Variants in TNK2 observed in about 807,000 individuals in gnomAD.
TNK2 encodes the protein activated CDC42 kinase 1.
In TNK2, 83 loss-of-function variants were observed where a neutral mutation model predicts 101.8. The observed-to-expected ratio is 0.82, with a 90% CI of 0.68 to 0.98. The LOEUF is 0.98. Among genes scored for constraint, TNK2 ranks in the 50% least tolerant of loss-of-function variants. TNK2 has a pLI of 0.00. For missense variants in TNK2, 1,665 were observed against 1,483.2 expected (o/e 1.12, Z -2.01); for synonymous variants, 804 against 633.0 (o/e 1.27, Z -4.06).
At chr3:195,874,545 A>G (rs1236437753) in intron 9 of TNK2, among the ~76,000 whole-genome samples, 3 of 138,654 alleles carry the variant, frequency 2.2e-5, no homozygotes, top group Non-Finnish European at 4.6e-5. Flanking sequence ...CCCCCTCGGG[A>G]TGGCGCCCAC....
chr3:195,870,687 C>G (rs1744505781), intron 10 of TNK2, among the ~76,000 whole-genome samples: 1 of 152,260 alleles, frequency 6.6e-6, no homozygotes, highest in Non-Finnish European at 1.5e-5. Context: ...CGTCCCTGCA[C>G]CAACTGTCAG....
In TNK2 at chr3:195,869,533, G is replaced by C; in HGVS notation, c.1552C>G (p.Pro518Ala). 6.4e-7 allele frequency: 1 copy of C among 1,551,166 alleles called. No homozygotes were observed. Among genetic ancestry groups the C allele is most frequent in the Non-Finnish European group, 8.7e-7 (1 of 1,146,984 alleles). ...AAGGCAGGCTGAGGTGGGCGAGGTGGAGGCTCCCCTGCAAGAAAGGCCATG... is the reference window on the plus strand; with the variant it reads ...AAGGCAGGCTGAGGTGGGCGAGGTGCAGGCTCCCCTGCAAGAAAGGCCATG... ...QHLGGVKREPPPRPPQPAFFT... is the reference protein window; with the variant it reads ...QHLGGVKREPAPRPPQPAFFT... Residue 518 changes from proline (P) to alanine (A), a missense_variant, in exon 12 of 16, where the codon CCA becomes GCA. Pro to Ala is a conservative substitution (Grantham distance 27, BLOSUM62 -1). Coordinates refer to ENST00000672887, the MANE Select transcript of TNK2 (RefSeq NM_001382273.1).
chr3:195,867,437 G>C lies in TNK2; in HGVS notation c.2861C>G (p.Ala954Gly). ...NPGARPPPPR[A>G]TARLPQRGCP... ...GCCCCTCTGTGGCAGCCGAGCAGTG[G>C]CCCTCGGGGGTGGTGGCCGGGCCCC... The change falls in exon 13 of 16, where the codon GCC becomes GGC. Residue 954 changes from alanine to glycine, a missense_variant. Ala to Gly is a moderately conservative substitution (Grantham distance 60, BLOSUM62 0). This residue lies in a region of TNK2 where 1,136 missense variants were observed against 894.9 expected (regional missense o/e 1.27). Coordinates refer to ENST00000672887, the MANE Select transcript of TNK2 (RefSeq NM_001382273.1). 6.3e-7 allele frequency: 1 copy of C among 1,596,996 alleles called. No homozygotes were observed. The highest frequency in any genetic ancestry group is 8.5e-7 in the Non-Finnish European group (1 of 1,176,950).
At chr3:195,889,049 G>T (rs1757314647) in intron 1 of TNK2, among the ~76,000 whole-genome samples, 2 of 152,060 alleles carry the variant, frequency 1.3e-5, no homozygotes, top group South Asian at 4.2e-4. Context: ...CCATCTATGG[G>T]CTCCTTAGAT....
rs368310653 is a variant in TNK2, at chr3:195,887,050, G to A, written c.164-3C>T. ...AGCCTCCCACAGCCGCCGCTGGCCT[G>A]CAGGGAGAGCGGGGAACCGCGTGCT... On this transcript the variant is annotated splice_region_variant and splice_polypyrimidine_tract_variant and intron_variant, in intron 2 of 15. Transcript: ENST00000672887. The A allele has an allele frequency of 7.4e-6, 12 of 1,613,966 alleles. No homozygotes were observed. The African/African-American group carries it at 1.5e-4, about 20-fold the overall frequency.
Position 195,878,462 on chromosome 3 carries a change from C to T in TNK2, c.1145G>A (p.Arg382Gln). ...GTCCCTCACCTCCAGCAGGAAGTCC[C>T]GCAGGGCCACAAACGTGGGTCTGTC... Reference protein sequence around the residue: ...PEDRPTFVALRDFLLEAQPTD... With the variant: ...PEDRPTFVALQDFLLEAQPTD... The change falls in exon 8 of 16, where the codon CGG becomes CAG. Residue 382 changes from arginine (R) to glutamine (Q), a missense_variant. By Grantham distance (43) the Arg-to-Gln change is conservative. Transcript: ENST00000672887. The surrounding 1 kb of genome is among the most constrained non-coding windows in gnomAD (Gnocchi z 4.7). The T allele has an allele frequency of 3.1e-6, 5 of 1,613,990 alleles. No individual in the cohort carries two copies. Among genetic ancestry groups the T allele is most frequent in the South Asian group, 2.2e-5 (2 of 91,090 alleles).
intron 1 of TNK2, among the ~76,000 whole-genome samples, chr3:195,890,064 G>C (rs1757753917): frequency 6.6e-6 from 1 of 152,240 alleles, no homozygotes; most frequent in South Asian, 2.1e-4. Flanking sequence ...GACTTTTTCA[G>C]GCAGCTCAGG....
In TNK2 at chr3:195,869,096, G is replaced by A. The variant is rs112100534; in HGVS notation, c.1589-387C>T. 9.8e-3 allele frequency: 4,558 copies of A among 465,872 alleles called. 162 individuals carry two copies. Among genetic ancestry groups the A allele is most frequent in the African/African-American group, 0.078 (4,029 of 51,398 alleles). The allele number at this position is 465,872 out of a possible 1,614,324, so 28.9% of individuals were successfully genotyped here. A position where few individuals can be genotyped will look rare whatever the true frequency, so the allele number is the denominator to read the frequency against. On this transcript the variant is annotated intron_variant, in intron 12 of 15. Coordinates refer to ENST00000672887, the MANE Select transcript of TNK2 (RefSeq NM_001382273.1). The stretch of plus-strand genomic sequence containing the variant: ...CACGGCACACCATTAGTGCAGGCAC[G>A]GAGCCGCCTCCTGCCATCAGGGGCT...
At chr3:195,868,956 TA>T in intron 12 of TNK2, 1 of 540,556 alleles carries the variant, frequency 1.8e-6, no homozygotes, top group Non-Finnish European at 3.2e-6. Flanking sequence ...TCGCTCCGTC[TA>T]AGCTGCAGCA....
intron 1 of TNK2, among the ~76,000 whole-genome samples, chr3:195,905,178 T>C (rs1431718787): frequency 6.6e-6 from 1 of 152,176 alleles, no homozygotes. Flanking sequence ...AATCCAGAAT[T>C]AGACACACAC....
chr3:195,902,369 G>A lies in TNK2; in HGVS notation c.-19+6116C>T, dbSNP rs146324750. ...GCGGGGGCTCACGCCTGTAATCCCA[G>A]CACTGTGGGAGGCCGAGGTGGGCGA... On this transcript the variant is annotated intron_variant, in intron 1 of 15. Transcript: ENST00000672887. 4.2e-3 allele frequency among the ~76,000 whole-genome samples: 637 copies of A among 152,288 alleles called. 2 individuals are homozygous for A. The highest frequency in any genetic ancestry group is 0.014 in the African/African-American group (601 of 41,558).
At chr3:195,866,324 CCCAGCAGGTGGGATTA>C (rs1740830039) in intron 15 of TNK2, among the ~76,000 whole-genome samples, 1 of 152,132 alleles carries the variant, frequency 6.6e-6, no homozygotes, top group East Asian at 1.9e-4. Context: ...CCTCAGCCTC[CCCAGCAGGTGGGATTA>C]CAGGTGCCCA....
In TNK2 at chr3:195,868,497, C is replaced by T. The variant is rs368666965; in HGVS notation, c.1801G>A (p.Ala601Thr). Residue 601 changes from alanine (A) to threonine (T), a missense_variant, in exon 13 of 16, where the codon GCG becomes ACG. Ala to Thr is a moderately conservative substitution (Grantham distance 58). Coordinates refer to ENST00000672887, the MANE Select transcript of TNK2 (RefSeq NM_001382273.1). ...ATGGCCAGCTGCGCCAGGGAGGGCG[C>T]GCAGGGCCGTAGGGCCGGGACCACG... ...EPVVPALRPCAPSLAQLAMDA... is the reference protein window; with the variant it reads ...EPVVPALRPCTPSLAQLAMDA... 113 of 1,550,556 alleles carry T rather than the reference C, an allele frequency of 7.3e-5. No individual in the cohort carries two copies. The Admixed American group carries it at 7.7e-4, about 11-fold the overall frequency.
chr3:195,906,506 G>A (rs1275920383), intron 1 of TNK2, among the ~76,000 whole-genome samples: 1 of 152,066 alleles, frequency 6.6e-6, no homozygotes, highest in Non-Finnish European at 1.5e-5. Context: ...AATGAAAGAC[G>A]CGATTCCGTT....
chr3:195,877,448 G>A (rs989735220), intron 9 of TNK2, among the ~76,000 whole-genome samples: 4 of 152,196 alleles, frequency 2.6e-5, no homozygotes, highest in African/African-American at 9.7e-5. Context: ...AGGTGGAAGA[G>A]GCTCCCTGGG....
intron 12 of TNK2, chr3:195,869,135 T>C (rs1743010453): frequency 3.9e-6 from 2 of 513,754 alleles, no homozygotes; most frequent in Non-Finnish European, 7.1e-6. Flanking sequence ...AGGACTATCC[T>C]TGGAGAGGAC....
chr3:195,902,645 A>AT (rs1491145587), intron 1 of TNK2, among the ~76,000 whole-genome samples: 5 of 112,554 alleles, frequency 4.4e-5, no homozygotes, highest in African/African-American at 1.4e-4. Flanking sequence ...AAAAACAAAC[A>AT]TAAAAAAAAA....
chr3:195,891,280 C>A (rs1172880722), intron 1 of TNK2, among the ~76,000 whole-genome samples: 1 of 152,228 alleles, frequency 6.6e-6, no homozygotes, highest in East Asian at 1.9e-4. Flanking sequence ...GTGGCACATG[C>A]CTGTAATCTC....
In TNK2 at chr3:195,878,399, C is replaced by T; in HGVS notation, c.1161+47G>A. On this transcript the variant is annotated intron_variant, in intron 8 of 15. Transcript: ENST00000672887. This position sits in a 1 kb window ranked among gnomAD's most constrained non-coding sequence, Gnocchi z 4.7. ...ACTCTGGGACTGACGCCTGGGTAGC[C>T]CCTCAGCTTGAACACCCCAGCTCTC... The T allele has an allele frequency of 2.5e-6, 4 of 1,613,900 alleles. No homozygotes were observed. The highest frequency in any genetic ancestry group is 3.4e-6 in the Non-Finnish European group (4 of 1,179,928).
Sources: allele counts gnomAD v4.1 joint callset (sites outside exome capture counted in the v4.1 genomes callset), GRCh38; gene constraint gnomAD v4.1.1; regional missense constraint gnomAD v4.1.1; non-coding constraint Gnocchi (gnomAD v3.1); transcripts MANE v1.5; gene names NCBI Gene and HGNC (gene_info 2026-07-23, HGNC 2026-07-21).